The following ROBO2 variants were observed in gnomAD, a reference collection of about 807,000 sequenced individuals.
ROBO2 encodes the protein roundabout homolog 2.
In ROBO2, 53 loss-of-function variants were observed where a neutral mutation model predicts 160.8. The observed-to-expected ratio is 0.33, with a 90% CI of 0.26 to 0.41. The LOEUF (loss-of-function observed/expected upper bound fraction) is 0.41, where lower values mean the gene tolerates loss of function less well. Among genes scored for constraint, ROBO2 ranks in the 10% least tolerant of loss-of-function variants. The pLI is 1.00. For missense variants in ROBO2, 1,577 were observed against 1,722.4 expected (o/e 0.92, Z 1.49); for synonymous variants, 664 against 611.7 (o/e 1.09, Z -1.26).
At chr3:77,303,808 C>CAT (rs948962671) in intron 2 of ROBO2, among the ~76,000 whole-genome samples, 4 of 151,622 alleles carry the variant, frequency 2.6e-5, no homozygotes, top group Admixed American at 1.3e-4. Flanking sequence ...CATATATATA[C>CAT]ATATATATAT....
intron 2 of ROBO2, among the ~76,000 whole-genome samples, chr3:76,103,586 G>A (rs1461935992): frequency 1.3e-5 from 2 of 152,154 alleles, no homozygotes; most frequent in South Asian, 2.1e-4. Flanking sequence ...TACTGATTAC[G>A]TTTACAGACT....
At chr3:77,459,731 T>C (rs2082042232) in intron 2 of ROBO2, among the ~76,000 whole-genome samples, 1 of 152,014 alleles carries the variant, frequency 6.6e-6, no homozygotes, top group Admixed American at 6.6e-5. Context: ...TAGGAAGTCA[T>C]GGGGAGAATA....
intron 2 of ROBO2, among the ~76,000 whole-genome samples, chr3:76,398,641 G>C (rs1458802951): frequency 6.6e-6 from 1 of 150,956 alleles, no homozygotes. Flanking sequence ...ATAAATTATA[G>C]TTTTTAGTAT....
At chr3:76,217,168 G>A (rs967113459) in intron 2 of ROBO2, among the ~76,000 whole-genome samples, 6 of 152,238 alleles carry the variant, frequency 3.9e-5, no homozygotes, top group South Asian at 4.2e-4. Context: ...AAAGCAGTGT[G>A]TAGATGGAAA....
intron 23 of ROBO2, among the ~76,000 whole-genome samples, chr3:77,628,097 G>T (rs1465863160): frequency 6.6e-6 from 1 of 152,102 alleles, no homozygotes; most frequent in Non-Finnish European, 1.5e-5. Context: ...ATACATTTGA[G>T]ATTTTTTTTT....
chr3:77,574,987 A>G (rs1480888977), intron 14 of ROBO2, among the ~76,000 whole-genome samples: 3 of 152,116 alleles, frequency 2.0e-5, no homozygotes, highest in Non-Finnish European at 2.9e-5. Flanking sequence ...TGGATTATTA[A>G]ATATTCCCCT....
intron 2 of ROBO2, among the ~76,000 whole-genome samples, chr3:76,068,639 C>A (rs62268881): frequency 0.07 from 10,622 of 152,174 alleles, 945 homozygotes; most frequent in African/African-American, 0.2. Flanking sequence ...TTTTAAAATA[C>A]CTTTCCATAT....
At chr3:76,639,185 CAT>C (rs1384739575) in intron 2 of ROBO2, among the ~76,000 whole-genome samples, 1 of 151,292 alleles carries the variant, frequency 6.6e-6, no homozygotes, top group Non-Finnish European at 1.5e-5. Flanking sequence ...TATATGTATA[CAT>C]GTGTATATGT....
intron 2 of ROBO2, among the ~76,000 whole-genome samples, chr3:76,630,742 A>G (rs1191508157): frequency 6.6e-6 from 1 of 152,218 alleles, no homozygotes; most frequent in Admixed American, 6.5e-5. Context: ...TGTAAGATCA[A>G]TATCTTTTAA....
chr3:76,396,138 T>C (rs1036128547), intron 2 of ROBO2, among the ~76,000 whole-genome samples: 3 of 152,164 alleles, frequency 2.0e-5, no homozygotes, highest in South Asian at 2.1e-4. Context: ...TCAAGTGGGC[T>C]TCATCCCTGG....
At chr3:77,621,587 C>A (rs1214341571) in intron 22 of ROBO2, among the ~76,000 whole-genome samples, 1 of 152,072 alleles carries the variant, frequency 6.6e-6, no homozygotes. Context: ...ATTGTTTATG[C>A]CTTTGAGGAG....
At chr3:77,505,238 G>C (rs999224976) in intron 5 of ROBO2, among the ~76,000 whole-genome samples, 1 of 152,136 alleles carries the variant, frequency 6.6e-6, no homozygotes, top group Non-Finnish European at 1.5e-5. Flanking sequence ...AGGCACACCT[G>C]GTAGGAAGCT....
intron 2 of ROBO2, among the ~76,000 whole-genome samples, chr3:76,587,658 C>A (rs1047779893): frequency 1.3e-5 from 2 of 152,292 alleles, no homozygotes; most frequent in Non-Finnish European, 2.9e-5. Context: ...ATAGGAACCA[C>A]AATTCAAGAT....
At chr3:76,900,035 G>A (rs2075104737) in intron 2 of ROBO2, among the ~76,000 whole-genome samples, 1 of 152,038 alleles carries the variant, frequency 6.6e-6, no homozygotes, top group African/African-American at 2.4e-5. Flanking sequence ...ACGTGGCTGG[G>A]GAGGCCTCAC....
intron 2 of ROBO2, among the ~76,000 whole-genome samples, chr3:76,827,367 A>G (rs930482004): frequency 3.3e-5 from 5 of 152,178 alleles, no homozygotes; most frequent in African/African-American, 1.2e-4. Flanking sequence ...AAAAGTTAGT[A>G]TATATGTAAT....
intron 7 of ROBO2, among the ~76,000 whole-genome samples, chr3:77,549,053 T>C (rs554746564): frequency 1.3e-4 from 20 of 152,092 alleles, no homozygotes; most frequent in South Asian, 4.1e-4. Context: ...TTAGCTCTAA[T>C]AGGATACCCA....
intron 2 of ROBO2, among the ~76,000 whole-genome samples, chr3:76,341,763 T>TA (rs1238385065): frequency 3.9e-5 from 6 of 152,120 alleles, no homozygotes; most frequent in Admixed American, 3.9e-4. Context: ...GAAAATGGCT[T>TA]AAAAAATAAC....
At chr3:76,032,494 A>G (rs1264564378) in intron 2 of ROBO2, among the ~76,000 whole-genome samples, 1 of 152,166 alleles carries the variant, frequency 6.6e-6, no homozygotes, top group Non-Finnish European at 1.5e-5. Flanking sequence ...GTGGGCATTT[A>G]GTGCTATAAA....
intron 2 of ROBO2, among the ~76,000 whole-genome samples, chr3:77,382,361 T>TAA (rs72399182): frequency 3.4e-3 from 106 of 31,038 alleles, no homozygotes; most frequent in Admixed American, 0.03. Context: ...TTTTTTTTTT[T>TAA]TAAAAAGTCT....
Sources: allele counts gnomAD v4.1 joint callset (sites outside exome capture counted in the v4.1 genomes callset), GRCh38; gene constraint gnomAD v4.1.1; transcripts MANE v1.5; gene names NCBI Gene and HGNC (gene_info 2026-07-23, HGNC 2026-07-21).